SMG1: variants seen among roughly 807,000 people sequenced by gnomAD.
The protein encoded by SMG1 is SMG1 nonsense mediated mRNA decay associated PI3K related kinase.
In SMG1, 22 loss-of-function variants were observed where a neutral mutation model predicts 419.9. The observed-to-expected ratio is 0.05, with a 90% CI of 0.04 to 0.07. The LOEUF (loss-of-function observed/expected upper bound fraction) is 0.07, where lower values mean the gene tolerates loss of function less well. Among genes scored for constraint, SMG1 ranks in the 10% least tolerant of loss-of-function variants. SMG1 has a pLI of 1.00. For missense variants in SMG1, 3,185 were observed against 4,342.0 expected, an observed-to-expected ratio of 0.73 and a Z score of 7.49; for synonymous variants, 1,538 against 1,553.5, an observed-to-expected ratio of 0.99 and a Z score of 0.23.
chr16:18,887,076 AGT>A (rs1460685914), intron 6 of SMG1, among the ~76,000 whole-genome samples: 2 of 152,194 alleles, frequency 1.3e-5, no homozygotes, highest in South Asian at 4.1e-4. Flanking sequence ...TGCTCAACAA[AGT>A]GTGTGAGAAA....
chr16:18,918,259 C>T lies in SMG1; in HGVS notation c.92+7691G>A, dbSNP rs533101552. Reference sequence around the variant, plus strand: ...GCCTGGGCAACAAGAGCAAAAACTCCGTCTCCAAAAACAAACAAACAAACA... The same window carrying T: ...GCCTGGGCAACAAGAGCAAAAACTCTGTCTCCAAAAACAAACAAACAAACA... On this transcript the variant is annotated intron_variant, in intron 1 of 62. Coordinates refer to ENST00000446231, the MANE Select transcript of SMG1 (RefSeq NM_015092.5). Among the ~76,000 whole-genome samples, 4 of 152,050 alleles carry T rather than the reference C, an allele frequency of 2.6e-5. No homozygotes were observed. The South Asian group carries it at 8.3e-4, about 32-fold the overall frequency.
chr16:18,848,066 G>T, intron 36 of SMG1, 33 bp from the exon 37 acceptor site: 1 of 1,567,998 alleles, frequency 6.4e-7, no homozygotes, highest in South Asian at 1.1e-5. Flanking sequence ...GGAATATTTT[G>T]AACATTTCTC....
chr16:18,910,212 TC>T (rs1451097398), intron 1 of SMG1, among the ~76,000 whole-genome samples: 1 of 148,728 alleles, frequency 6.7e-6, no homozygotes, highest in Non-Finnish European at 1.5e-5. Flanking sequence ...GACTAGAAAC[TC>T]ACGCCACCAT....
chr16:18,882,094 T>C, intron 10 of SMG1, 71 bp downstream of exon 10: 1 of 1,071,224 alleles, frequency 9.3e-7, no homozygotes, highest in South Asian at 1.9e-5. Flanking sequence ...GTTCACCAGG[T>C]AAAGAGAAGC....
intron 49 of SMG1, 124 bp from the exon 50 acceptor site, chr16:18,834,562 A>T: frequency 1.1e-6 from 1 of 882,152 alleles, no homozygotes; most frequent in Non-Finnish European, 1.7e-6. Context: ...AGATGACTTC[A>T]GGCCAGGAGT....
In SMG1 at chr16:18,817,214, G is replaced by A. The variant is rs759619602; in HGVS notation, c.10074+77C>T. On this transcript the variant is annotated intron_variant, in intron 57 of 62. Coordinates refer to ENST00000446231, the MANE Select transcript of SMG1 (RefSeq NM_015092.5). ...CAGTATATGCTCAACGAATGTAATCGGAATGTATATATTAAATTGATTTTA... is the reference window on the plus strand; with the variant it reads ...CAGTATATGCTCAACGAATGTAATCAGAATGTATATATTAAATTGATTTTA... 3.5e-4 allele frequency: 429 copies of A among 1,226,096 alleles called. 1 individual carries two copies. The highest frequency in any genetic ancestry group is 1.2e-3 in the East Asian group (44 of 35,994). The allele number at this position is 1,226,096 out of a possible 1,614,324, so 76.0% of individuals were successfully genotyped here. A position where few individuals can be genotyped will look rare whatever the true frequency, so the allele number is the denominator to read the frequency against.
chr16:18,884,844 A>G, intron 8 of SMG1: 1 of 482,292 alleles, frequency 2.1e-6, no homozygotes, highest in Non-Finnish European at 3.7e-6. Context: ...CTTACCATAC[A>G]CTTTCCTACC....
rs372198549 is a variant in SMG1 at position 18,847,530 on chromosome 16, T to C, written c.5919A>G (p.Gln1973=). Residue 1973 remains glutamine (Q), a synonymous_variant, in exon 38 of 63, where the codon CAA becomes CAG. Transcript: ENST00000446231. ...DELWLGVLLQ[Q]HMYVLRRIQQ... ...GAATTCGTCTCAGGACATACATGTGTTGTTGCAGCAAAACTCCCAGCCAGA... is the reference window on the plus strand; with the variant it reads ...GAATTCGTCTCAGGACATACATGTGCTGTTGCAGCAAAACTCCCAGCCAGA... 15 of 1,613,914 alleles carry C rather than the reference T, an allele frequency of 9.3e-6. No individual in the cohort carries two copies. The highest frequency in any genetic ancestry group is 4.0e-5 in the African/African-American group (3 of 74,932).
At chr16:18,851,371 G>T (rs1270515034) in intron 33 of SMG1, among the ~76,000 whole-genome samples, 2 of 152,094 alleles carry the variant, frequency 1.3e-5, no homozygotes, top group Non-Finnish European at 2.9e-5. Context: ...CTGCACATTA[G>T]CATCACCTAG....
chr16:18,811,836 A>G lies in SMG1; in HGVS notation c.10833T>C (p.Ser3611=), dbSNP rs775949217. The G allele has an allele frequency of 3.7e-6, 6 of 1,613,778 alleles. No homozygotes were observed. The African/African-American group carries it at 4.0e-5, about 11-fold the overall frequency. The change falls in exon 62 of 63, where the codon AGT becomes AGC. Residue 3611 remains serine (S), a synonymous_variant. Coordinates refer to ENST00000446231, the MANE Select transcript of SMG1 (RefSeq NM_015092.5). ...ACTTGGCTTTCACTCTCTTCCACAC[A>G]CTCACTGCATAGGAGTTTCTCTCTT... ...AVQERNSYAV[S]VWKRVKAKLE... is the part of the protein sequence containing the mutation.
At chr16:18,891,425 C>G (rs2036871437) in intron 4 of SMG1, among the ~76,000 whole-genome samples, 1 of 149,564 alleles carries the variant, frequency 6.7e-6, no homozygotes, top group African/African-American at 2.4e-5. Flanking sequence ...TTCTCCTGCT[C>G]ATTATCAAGT....
At chr16:18,897,390 T>C (rs1373158611) in intron 1 of SMG1, among the ~76,000 whole-genome samples, 6 of 152,110 alleles carry the variant, frequency 3.9e-5, no homozygotes, top group Non-Finnish European at 7.4e-5. Context: ...TTTCCTGTCA[T>C]AAAAATAAAA....
chr16:18,866,448 T>C, intron 23 of SMG1, 173 bp downstream of exon 23: 1 of 651,078 alleles, frequency 1.5e-6, no homozygotes. Flanking sequence ...ACTCAAGTAT[T>C]GCTGCTAACT....
Position 18,835,948 on chromosome 16 carries a change from T to C in SMG1, c.8042A>G (p.Gln2681Arg). The stretch of plus-strand genomic sequence containing the variant: ...ATCAACTTACTTCCTATAGAGCTCT[T>C]GACAACGCTCTACTGTGGTGTTACA... ...LICNTTVERC[Q>R]ELYRKYEMQY... The change falls in exon 48 of 63, where the codon CAA becomes CGA. Residue 2681 changes from glutamine to arginine, a missense_variant. This residue lies in a region of SMG1 where 412 missense variants were observed against 546.6 expected (regional missense o/e 0.75). Coordinates refer to ENST00000446231, the MANE Select transcript of SMG1 (RefSeq NM_015092.5). 1 of 1,552,520 alleles carries C rather than the reference T, an allele frequency of 6.4e-7. No individual in the cohort carries two copies. Among genetic ancestry groups the C allele is most frequent in the Non-Finnish European group, 8.7e-7 (1 of 1,147,196 alleles).
intron 51 of SMG1, among the ~76,000 whole-genome samples, chr16:18,830,975 G>A (rs2033134605): frequency 6.6e-6 from 1 of 152,116 alleles, no homozygotes; most frequent in Admixed American, 6.5e-5. Context: ...ATTGAAAAAT[G>A]TCAGAAATCA....
chr16:18,886,902 TA>T (rs1299872891), intron 6 of SMG1, among the ~76,000 whole-genome samples: 1 of 152,166 alleles, frequency 6.6e-6, no homozygotes, highest in African/African-American at 2.4e-5. Context: ...AAAGACATCT[TA>T]GGGGTAATTA....
At chr16:18,910,796 A>G (rs1204878257) in intron 1 of SMG1, among the ~76,000 whole-genome samples, 2 of 152,116 alleles carry the variant, frequency 1.3e-5, no homozygotes, top group African/African-American at 4.8e-5. Flanking sequence ...CAACCTTTCA[A>G]TGTTTCTGGC....
chr16:18,873,047 G>A (rs1198710453), intron 13 of SMG1, among the ~76,000 whole-genome samples: 5 of 151,916 alleles, frequency 3.3e-5, no homozygotes, highest in African/African-American at 9.7e-5. Flanking sequence ...CCAGCTACTC[G>A]GGAGGCTGAG....
intron 4 of SMG1, 23 bp from the exon 5 acceptor site, chr16:18,890,944 A>G (rs750616477): frequency 5.4e-6 from 6 of 1,108,182 alleles, no homozygotes; most frequent in Non-Finnish European, 8.3e-6. Context: ...ACACATTTAT[A>G]AAAACTTCAA....
Sources: allele counts gnomAD v4.1 joint callset (sites outside exome capture counted in the v4.1 genomes callset), GRCh38; gene constraint gnomAD v4.1.1; regional missense constraint gnomAD v4.1.1; transcripts MANE v1.5; gene names NCBI Gene and HGNC (gene_info 2026-07-23, HGNC 2026-07-21).